Variants in NTNG2 observed in about 807,000 individuals in gnomAD.
The protein encoded by NTNG2 is netrin-G2.
In NTNG2, 15 loss-of-function variants were observed where a neutral mutation model predicts 47.6. The observed-to-expected ratio is 0.32, with a 90% confidence interval of 0.21 to 0.49. The LOEUF (loss-of-function observed/expected upper bound fraction) is 0.49. Among genes scored for constraint, NTNG2 ranks in the 20% least tolerant of loss-of-function variants. NTNG2 has a pLI of 0.99. For synonymous variants in NTNG2, 307 were observed against 324.6 expected (o/e 0.95, Z 0.58); for missense variants, 578 against 764.6 (o/e 0.76, Z 2.88).
At chr9:132,214,682 G>A (rs1839844525) in intron 3 of NTNG2, among the ~76,000 whole-genome samples, 1 of 152,190 alleles carries the variant, frequency 6.6e-6, no homozygotes, top group Non-Finnish European at 1.5e-5. Flanking sequence ...TCTGAGCAGA[G>A]GGGCCAGACA....
At chr9:132,176,276 C>T (rs1836446999) in intron 2 of NTNG2, among the ~76,000 whole-genome samples, 1 of 152,180 alleles carries the variant, frequency 6.6e-6, no homozygotes. Flanking sequence ...TGTTGTGCAA[C>T]CAGCATCTCT....
At chr9:132,174,276 G>T (rs531848493) in intron 2 of NTNG2, among the ~76,000 whole-genome samples, 1 of 139,932 alleles carries the variant, frequency 7.1e-6, no homozygotes, top group Non-Finnish European at 1.5e-5. Flanking sequence ...ATGGACAGAC[G>T]GACAGACAGG....
rs781518922 is a variant in NTNG2 at position 132,227,025 on chromosome 9, C to T, written c.1030+4C>T. ...CCCCATGGCTCTCCCAACGCCTGTA[C>T]GTGCCATGCCCCGGGGCCACGAGCC... On this transcript the variant is annotated splice_donor_region_variant and intron_variant, in intron 4 of 7. Transcript: ENST00000393229. 1.1e-5 allele frequency: 17 copies of T among 1,592,288 alleles called. No individual in the cohort carries two copies. The highest frequency in any genetic ancestry group is 4.5e-5 in the East Asian group (2 of 44,474).
chr9:132,200,209 G>A (rs1838638518), intron 3 of NTNG2, among the ~76,000 whole-genome samples: 1 of 152,206 alleles, frequency 6.6e-6, no homozygotes, highest in African/African-American at 2.4e-5. Context: ...GGCTGGGGCG[G>A]GCTGAGGGAG....
intron 2 of NTNG2, among the ~76,000 whole-genome samples, chr9:132,185,884 G>GAGGAGGAGGGAA (rs1160263893): frequency 6.7e-6 from 1 of 149,260 alleles, no homozygotes; most frequent in Non-Finnish European, 1.5e-5. Flanking sequence ...GTGGGAGGAG[G>GAGGAGGAGGGAA]AGGAGGAGGG....
chr9:132,204,261 G>A (rs766004190), intron 3 of NTNG2, among the ~76,000 whole-genome samples: 1 of 152,212 alleles, frequency 6.6e-6, no homozygotes, highest in Non-Finnish European at 1.5e-5. Context: ...CCCAGACCCT[G>A]TGGGGGTCTA....
chr9:132,241,980 C>G lies in NTNG2; in HGVS notation c.1462C>G (p.Gln488Glu). 6.6e-7 allele frequency: 1 copy of G among 1,519,248 alleles called. No homozygotes were observed. Among genetic ancestry groups the G allele is most frequent in the Non-Finnish European group, 8.8e-7 (1 of 1,142,130 alleles). 94.1% of individuals were successfully genotyped at this position (1,519,248 alleles called of 1,614,324 possible). Reference sequence around the variant, plus strand: ...CGGCTACACCGGCGTGCGCTGCGAGCAGCCCCGCTGCGACCCCGCCGACGA... The same window carrying G: ...CGGCTACACCGGCGTGCGCTGCGAGGAGCCCCGCTGCGACCCCGCCGACGA... Reference protein sequence around the residue: ...PRGYTGVRCEQPRCDPADDDG... With the variant: ...PRGYTGVRCEEPRCDPADDDG... The change falls in exon 8 of 8, where the codon CAG becomes GAG. Residue 488 changes from glutamine (Q) to glutamate (E), a missense_variant. By Grantham distance (29) the Gln-to-Glu change is conservative. Coordinates refer to ENST00000393229, the MANE Select transcript of NTNG2 (RefSeq NM_032536.4).
chr9:132,188,407 T>C lies in NTNG2; in HGVS notation c.214-9559T>C, dbSNP rs571717232. Among the ~76,000 whole-genome samples, 8 of 152,250 alleles carry C rather than the reference T, an allele frequency of 5.3e-5. No individual in the cohort carries two copies. In the East Asian group the frequency reaches 1.2e-3, roughly 22 times the overall value. On this transcript the variant is annotated intron_variant, in intron 2 of 7. Transcript: ENST00000393229. ...GCAACAGCGTCCTTTCCCTTTTGGG[T>C]GAAGGGCACCATTTCCCAATTTGTC...
intron 3 of NTNG2, among the ~76,000 whole-genome samples, chr9:132,216,191 T>C (rs12004211): frequency 6.6e-6 from 1 of 152,104 alleles, no homozygotes; most frequent in Non-Finnish European, 1.5e-5. Flanking sequence ...TCCATGCCGG[T>C]TGCTGCACAC....
chr9:132,161,775 G>C (rs1241248977), upstream of NTNG2: 1 of 151,708 alleles, frequency 6.6e-6, no homozygotes, highest in East Asian at 1.9e-4. This position sits in a 1 kb window ranked among gnomAD's most constrained non-coding sequence, Gnocchi z 7.2. Context: ...GAGTGCAGGG[G>C]GGCAGTGAAG....
At chr9:132,229,627 G>A (rs769739666) in intron 4 of NTNG2, among the ~76,000 whole-genome samples, 3 of 152,180 alleles carry the variant, frequency 2.0e-5, no homozygotes, top group South Asian at 2.1e-4. Context: ...GCTGCACCCC[G>A]AGGTGTCCTC....
In NTNG2 at chr9:132,221,992, G is replaced by A. The variant is rs536143654; in HGVS notation, c.858-4857G>A. On this transcript the variant is annotated intron_variant, in intron 3 of 7. Transcript: ENST00000393229. This position sits in a 1 kb window ranked among gnomAD's most constrained non-coding sequence, Gnocchi z 4.2. ...CAGTGCGGAGCACAGCCCCGGTTCC[G>A]TACAGCTGAGGTGTTCCTCTCCAGC... 6.0e-4 allele frequency among the ~76,000 whole-genome samples: 91 copies of A among 152,346 alleles called. No individual in the cohort carries two copies. The highest frequency in any genetic ancestry group is 1.9e-3 in the African/African-American group (80 of 41,576).
chr9:132,201,994 A>G (rs1296145168), intron 3 of NTNG2, among the ~76,000 whole-genome samples: 1 of 152,198 alleles, frequency 6.6e-6, no homozygotes, highest in Non-Finnish European at 1.5e-5. Context: ...GACAGCTAAC[A>G]TCTAGACACA....
At chr9:132,190,712 G>C (rs1837814877) in intron 2 of NTNG2, among the ~76,000 whole-genome samples, 1 of 152,216 alleles carries the variant, frequency 6.6e-6, no homozygotes, top group African/African-American at 2.4e-5. Flanking sequence ...AACATAAAAG[G>C]AAAAGCATTT....
chr9:132,180,858 CCACGCATGTGCA>C lies in NTNG2; in HGVS notation c.213+13819_213+13830del, dbSNP rs1387598995. ...AGAATCCATGGTGCTCTTCCTAGAA[CCACGCATGTGCA>C]CACGTGTGTGCAAACACTGGGCTCA... On this transcript the variant is annotated intron_variant, in intron 2 of 7. Coordinates refer to ENST00000393229, the MANE Select transcript of NTNG2 (RefSeq NM_032536.4). This position sits in a 1 kb window ranked among gnomAD's most constrained non-coding sequence, Gnocchi z 4.2. Among the ~76,000 whole-genome samples, 1 of 152,190 alleles carries C rather than the reference CCACGCATGTGCA, an allele frequency of 6.6e-6. No homozygotes were observed. The highest frequency in any genetic ancestry group is 1.5e-5 in the Non-Finnish European group (1 of 68,034).
chr9:132,231,026 C>T lies in NTNG2; in HGVS notation c.1054+431C>T, dbSNP rs1015865675. Among the ~76,000 whole-genome samples, 1 of 152,104 alleles carries T rather than the reference C, an allele frequency of 6.6e-6. No homozygotes were observed. Among genetic ancestry groups the T allele is most frequent in the African/African-American group, 2.4e-5 (1 of 41,412 alleles). On this transcript the variant is annotated intron_variant, in intron 5 of 7. Transcript: ENST00000393229. This position sits in a 1 kb window ranked among gnomAD's most constrained non-coding sequence, Gnocchi z 4.1. ...AGTCAAGAGTGGGGTGACCTTCCCC[C>T]ACCAGGGGCAGAATCCACCCCCTAG... is the stretch of plus-strand genomic sequence containing the variant.
chr9:132,239,047 C>T (rs911325095), intron 5 of NTNG2, 57 bp from the exon 6 acceptor site: 1 of 1,567,446 alleles, frequency 6.4e-7, no homozygotes, highest in African/African-American at 1.4e-5. Flanking sequence ...CGCCCTGTCC[C>T]TCAGTTTCCC....
At chr9:132,206,334 C>T (rs1839163963) in intron 3 of NTNG2, among the ~76,000 whole-genome samples, 1 of 152,170 alleles carries the variant, frequency 6.6e-6, no homozygotes, top group African/African-American at 2.4e-5. Flanking sequence ...TTGGAGAGTC[C>T]CTGGAAAGGC....
At chr9:132,227,893 AC>A (rs1427485387) in intron 4 of NTNG2, among the ~76,000 whole-genome samples, 11 of 151,872 alleles carry the variant, frequency 7.2e-5, no homozygotes, top group Non-Finnish European at 1.5e-4. Flanking sequence ...GCTCTCCCTG[AC>A]CCCCACCACT....
Sources: gnomAD v4.1 joint callset for allele counts (sites outside exome capture counted in the v4.1 genomes callset) on GRCh38, gnomAD v4.1.1 for gene constraint, Gnocchi (gnomAD v3.1) non-coding constraint, MANE v1.5 for transcripts, NCBI Gene and HGNC (gene_info 2026-07-23, HGNC 2026-07-21) for gene names.